Variants in MEI4 observed in about 807,000 individuals in gnomAD.
The protein encoded by MEI4 is meiosis-specific protein MEI4.
In MEI4, 27 loss-of-function variants were observed where a neutral mutation model predicts 31.4. That is an observed-to-expected ratio of 0.86 (90% confidence interval 0.63 to 1.19). MEI4 has a LOEUF of 1.19. Among genes scored for constraint, MEI4 ranks in the 50% most tolerant of loss-of-function variants. The pLI, the probability that MEI4 is intolerant of heterozygous loss-of-function variation, is 0.00. For missense variants in MEI4, 329 were observed against 398.9 expected (o/e 0.82, Z 1.49); for synonymous variants, 122 against 145.4 (o/e 0.84, Z 1.16).
Position 77,916,028 on chromosome 6 carries a change from T to C in MEI4, c.901-7061T>C, listed in dbSNP as rs191765015. The stretch of plus-strand genomic sequence containing the variant: ...ATTTTCAAGTTCTGGATTTTTTAAT[T>C]CTGCTTGACCTAGTTGATTGAAGCT... On this transcript the variant is annotated intron_variant, in intron 4 of 4. Transcript: ENST00000684080. Among the ~76,000 whole-genome samples, 461 of 152,198 alleles carry C rather than the reference T, an allele frequency of 3.0e-3. 2 individuals are homozygous for C. The highest frequency in any genetic ancestry group is 0.014 in the Middle Eastern group (4 of 294).
chr6:77,733,095 G>T (rs868857841), intron 2 of MEI4, among the ~76,000 whole-genome samples: 109 of 151,658 alleles, frequency 7.2e-4, no homozygotes, highest in African/African-American at 1.9e-3. Flanking sequence ...TCTCTTTTTT[G>T]GTTGTGTCTC....
At chr6:77,731,686 G>T (rs1343302248) in intron 2 of MEI4, among the ~76,000 whole-genome samples, 1 of 151,152 alleles carries the variant, frequency 6.6e-6, no homozygotes, top group South Asian at 2.1e-4. Context: ...TGGTGTTTTA[G>T]ACATGAAGTC....
intron 4 of MEI4, among the ~76,000 whole-genome samples, chr6:77,905,793 GC>G (rs1766282061): frequency 6.7e-6 from 1 of 149,810 alleles, no homozygotes. Context: ...ACTGAGCCGG[GC>G]CAGCTTTTTT....
chr6:77,767,565 T>A (rs1392795069), intron 3 of MEI4, among the ~76,000 whole-genome samples: 1 of 151,668 alleles, frequency 6.6e-6, no homozygotes, highest in Non-Finnish European at 1.5e-5. Flanking sequence ...GGCATGGTCT[T>A]GCACACCTGT....
intron 4 of MEI4, among the ~76,000 whole-genome samples, chr6:77,916,984 T>C (rs76497263): frequency 0.092 from 13,505 of 146,006 alleles, 881 homozygotes; most frequent in East Asian, 0.31. Context: ...TGTGATCTCA[T>C]TGTTCAATTC....
intron 4 of MEI4, among the ~76,000 whole-genome samples, chr6:77,858,811 T>TA (rs1562014555): frequency 6.6e-6 from 1 of 152,024 alleles, no homozygotes; most frequent in Non-Finnish European, 1.5e-5. Flanking sequence ...ACTACAATTT[T>TA]TTTTTTGTAA....
At chr6:77,866,377 C>T (rs1373123320) in intron 4 of MEI4, among the ~76,000 whole-genome samples, 4 of 152,172 alleles carry the variant, frequency 2.6e-5, no homozygotes, top group African/African-American at 7.2e-5. Context: ...GCAACTTCAG[C>T]AAAGTCTCAG....
Position 77,795,418 on chromosome 6 carries a change from G to C in MEI4, c.769-33513G>C, listed in dbSNP as rs149002502. On this transcript the variant is annotated intron_variant, in intron 3 of 4. Coordinates refer to ENST00000684080, the MANE Select transcript of MEI4 (RefSeq NM_001322247.2). Reference sequence around the variant, plus strand: ...ACTCACATCAAAATACAAGCCTTTTGTCCTACCTACCCTTGACCTAGCTTA... The same window carrying C: ...ACTCACATCAAAATACAAGCCTTTTCTCCTACCTACCCTTGACCTAGCTTA... 3.4e-3 allele frequency among the ~76,000 whole-genome samples: 511 copies of C among 152,040 alleles called. 2 individuals are homozygous for C. Among genetic ancestry groups the C allele is most frequent in the African/African-American group, 0.012 (498 of 41,490 alleles).
chr6:77,705,728 T>G (rs1175541430), intron 2 of MEI4, among the ~76,000 whole-genome samples: 1 of 152,182 alleles, frequency 6.6e-6, no homozygotes, highest in African/African-American at 2.4e-5. Flanking sequence ...ACATTTTTCT[T>G]ATATTACAAG....
intron 2 of MEI4, among the ~76,000 whole-genome samples, chr6:77,709,267 A>G (rs984759492): frequency 6.6e-6 from 1 of 152,196 alleles, no homozygotes; most frequent in Non-Finnish European, 1.5e-5. Flanking sequence ...AGCTCTAAAA[A>G]TTCCTCATTA....
chr6:77,780,875 GC>G (rs1303574812), intron 3 of MEI4, among the ~76,000 whole-genome samples: 3 of 151,802 alleles, frequency 2.0e-5, no homozygotes, highest in African/African-American at 7.3e-5. Flanking sequence ...GCTCCAATAA[GC>G]CATATATATG....
intron 4 of MEI4, among the ~76,000 whole-genome samples, chr6:77,865,816 T>A (rs537304199): frequency 1.8e-4 from 28 of 152,276 alleles, no homozygotes; most frequent in Admixed American, 1.5e-3. Context: ...TGAACATTGA[T>A]GCAAAAATCC....
chr6:77,799,161 C>T (rs1013949773), intron 3 of MEI4, among the ~76,000 whole-genome samples: 1 of 151,968 alleles, frequency 6.6e-6, no homozygotes, highest in Non-Finnish European at 1.5e-5. Context: ...CCTGTTGTTT[C>T]CTGACTTTTT....
chr6:77,651,674 T>C (rs1465562090), upstream of MEI4, among the ~76,000 whole-genome samples: 1 of 152,182 alleles, frequency 6.6e-6, no homozygotes, highest in Non-Finnish European at 1.5e-5. Flanking sequence ...TATTTTTATA[T>C]ATGAGGACTT....
chr6:77,735,205 C>T (rs917606862), intron 2 of MEI4, among the ~76,000 whole-genome samples: 1 of 151,976 alleles, frequency 6.6e-6, no homozygotes, highest in Non-Finnish European at 1.5e-5. Flanking sequence ...GGGAAGTTCT[C>T]CTGGATAATA....
intron 4 of MEI4, among the ~76,000 whole-genome samples, chr6:77,856,948 T>G (rs1770760565): frequency 6.6e-6 from 1 of 152,222 alleles, no homozygotes; most frequent in African/African-American, 2.4e-5. Flanking sequence ...AACTCTGCAT[T>G]ATGCTAATCT....
intron 4 of MEI4, among the ~76,000 whole-genome samples, chr6:77,841,172 A>G (rs949533995): frequency 1.5e-4 from 23 of 151,602 alleles, no homozygotes; most frequent in Middle Eastern, 3.4e-3. Flanking sequence ...AAGCTTAAAC[A>G]TTACTTGGTG....
intron 2 of MEI4, among the ~76,000 whole-genome samples, chr6:77,751,321 G>T (rs1433534742): frequency 6.6e-6 from 1 of 151,622 alleles, no homozygotes; most frequent in Non-Finnish European, 1.5e-5. Context: ...GAAAAAACTT[G>T]GTGAATCCAG....
At chr6:77,775,707 T>C (rs1221587852) in intron 3 of MEI4, among the ~76,000 whole-genome samples, 1 of 152,136 alleles carries the variant, frequency 6.6e-6, no homozygotes, top group African/African-American at 2.4e-5. Context: ...CTCTGGGTAG[T>C]TAACCAGTAG....
Sources: gnomAD v4.1 joint callset for allele counts (sites outside exome capture counted in the v4.1 genomes callset) on GRCh38, gnomAD v4.1.1 for gene constraint, MANE v1.5 for transcripts, NCBI Gene and HGNC (gene_info 2026-07-23, HGNC 2026-07-21) for gene names.